ERICH6B: variants seen among roughly 807,000 people sequenced by gnomAD.
The protein encoded by ERICH6B is glutamate rich 6B, also known as glutamate-rich protein 6B.
ERICH6B carries 69 observed loss-of-function variants against 80.0 expected under a neutral mutation model. The ratio of observed to expected loss-of-function variants is 0.86; its 90% CI spans 0.71 to 1.05. ERICH6B has a LOEUF of 1.05. ERICH6B is among the 50% of genes least tolerant of loss of function. The pLI, the probability that ERICH6B is intolerant of heterozygous loss-of-function variation, is 0.00. For missense variants in ERICH6B, 754 were observed against 796.1 expected (o/e 0.95, Z 0.64); for synonymous variants, 283 against 291.9 (o/e 0.97, Z 0.31).
At chr13:45,600,711 A>G (rs1425412305) in intron 2 of ERICH6B, among the ~76,000 whole-genome samples, 2 of 152,094 alleles carry the variant, frequency 1.3e-5, no homozygotes, top group East Asian at 1.9e-4. Context: ...ACAGTATTCT[A>G]TTTTGTATAT....
At chr13:45,593,456 A>C (rs1402488566) in intron 3 of ERICH6B, among the ~76,000 whole-genome samples, 1 of 152,226 alleles carries the variant, frequency 6.6e-6, no homozygotes, top group African/African-American at 2.4e-5. Flanking sequence ...CTTAGGCCTA[A>C]AATGCTATGT....
At position 45,568,315 on chromosome 13, in the gene ERICH6B, A is replaced by G. The variant is rs1478086440; in HGVS notation, c.1187T>C (p.Met396Thr). 10 of 1,540,572 alleles carry G rather than the reference A, an allele frequency of 6.5e-6. No individual in the cohort carries two copies. In the African/African-American group the frequency reaches 8.3e-5, roughly 13 times the overall value. Reference sequence around the variant, plus strand: ...TCACTTGGCCTCACCAGTTACTTACATAATTACCAGTTTCCATCTGTTTTC... The same window carrying G: ...TCACTTGGCCTCACCAGTTACTTACGTAATTACCAGTTTCCATCTGTTTTC... ...ESENRWKLVI[M>T]LKKNYEKFKE... Residue 396 changes from methionine to threonine, a missense_variant and splice_region_variant, in exon 9 of 15, where the codon ATG becomes ACG. Coordinates refer to ENST00000298738, the MANE Select transcript of ERICH6B (RefSeq NM_182542.3).
intron 14 of ERICH6B, among the ~76,000 whole-genome samples, chr13:45,544,536 A>G (rs552240975): frequency 6.6e-6 from 1 of 152,324 alleles, no homozygotes; most frequent in East Asian, 1.9e-4. Context: ...TGAGCATTTC[A>G]ATGTGAATTT....
chr13:45,573,939 T>A (rs1875275318), intron 8 of ERICH6B, among the ~76,000 whole-genome samples: 1 of 152,070 alleles, frequency 6.6e-6, no homozygotes, highest in African/African-American at 2.4e-5. Context: ...ATTTATGTCA[T>A]TTTTTTTCCT....
At chr13:45,547,587 A>T (rs1874042039) in intron 13 of ERICH6B, among the ~76,000 whole-genome samples, 1 of 152,194 alleles carries the variant, frequency 6.6e-6, no homozygotes, top group Admixed American at 6.5e-5. Flanking sequence ...GTTACATAAG[A>T]TGTATGAAGA....
Position 45,544,741 on chromosome 13 carries a change from T to C in ERICH6B, c.1872+19A>G. On this transcript the variant is annotated intron_variant, in intron 14 of 14. Coordinates refer to ENST00000298738, the MANE Select transcript of ERICH6B (RefSeq NM_182542.3). ...TGGGCACCCCACCTGGTGGAGGGTATGGGGAGTTGTGACCTTACCTTGTAC... is the reference window on the plus strand; with the variant it reads ...TGGGCACCCCACCTGGTGGAGGGTACGGGGAGTTGTGACCTTACCTTGTAC... 1.3e-6 allele frequency: 2 copies of C among 1,547,976 alleles called. No individual in the cohort carries two copies. Among genetic ancestry groups the C allele is most frequent in the Non-Finnish European group, 1.7e-6 (2 of 1,143,768 alleles).
chr13:45,597,297 A>G (rs1463539632), intron 2 of ERICH6B, among the ~76,000 whole-genome samples: 1 of 152,196 alleles, frequency 6.6e-6, no homozygotes, highest in Admixed American at 6.5e-5. Flanking sequence ...ATTATTGCAC[A>G]ATATGAAGTC....
At chr13:45,590,606 A>T in intron 4 of ERICH6B, 43 bp downstream of exon 4, 1 of 1,531,150 alleles carries the variant, frequency 6.5e-7, no homozygotes, top group Non-Finnish European at 8.9e-7. Context: ...ATTGTCCCCA[A>T]GCAGGAGTTT....
chr13:45,574,810 G>GGA (rs112996787), intron 8 of ERICH6B, 32 bp downstream of exon 8: 1 of 1,421,898 alleles, frequency 7.0e-7, no homozygotes, highest in Non-Finnish European at 9.5e-7. Context: ...GAGGAAGCTG[G>GGA]GGGGGGGGTC....
chr13:45,577,879 C>T (rs1300595791), intron 7 of ERICH6B, among the ~76,000 whole-genome samples: 4 of 152,212 alleles, frequency 2.6e-5, no homozygotes, highest in Non-Finnish European at 5.9e-5. Context: ...AGGCATGAGC[C>T]ACTGCACCCA....
chr13:45,599,842 A>G (rs1298268160), intron 2 of ERICH6B, among the ~76,000 whole-genome samples: 1 of 152,180 alleles, frequency 6.6e-6, no homozygotes, highest in East Asian at 1.9e-4. Context: ...GATTAAAGCA[A>G]CTCTGGAGCA....
At chr13:45,589,225 G>A (rs1164606319) in intron 4 of ERICH6B, among the ~76,000 whole-genome samples, 1 of 152,058 alleles carries the variant, frequency 6.6e-6, no homozygotes, top group Non-Finnish European at 1.5e-5. Flanking sequence ...CTGGCCCCTG[G>A]GGACCCAAGC....
At chr13:45,577,593 T>C (rs1354255661) in intron 7 of ERICH6B, among the ~76,000 whole-genome samples, 1 of 152,106 alleles carries the variant, frequency 6.6e-6, no homozygotes, top group African/African-American at 2.4e-5. Context: ...CCAGTGCCTC[T>C]CCTCTATCAT....
chr13:45,567,771 T>G (rs1273793303), intron 9 of ERICH6B, among the ~76,000 whole-genome samples: 1 of 152,240 alleles, frequency 6.6e-6, no homozygotes, highest in Non-Finnish European at 1.5e-5. Context: ...AAAGACCTGA[T>G]GCCAGTGACA....
intron 5 of ERICH6B, among the ~76,000 whole-genome samples, chr13:45,582,147 C>T (rs1875698694): frequency 6.6e-6 from 1 of 152,204 alleles, no homozygotes; most frequent in South Asian, 2.1e-4. Context: ...ACGTAGTCTC[C>T]AGGTTACTGT....
chr13:45,559,300 C>T (rs1253705784), intron 11 of ERICH6B, among the ~76,000 whole-genome samples: 1 of 151,976 alleles, frequency 6.6e-6, no homozygotes, highest in African/African-American at 2.4e-5. Flanking sequence ...CTCTTCTTTT[C>T]TTGGTTAATC....
chr13:45,574,104 A>C (rs776881699), intron 8 of ERICH6B, among the ~76,000 whole-genome samples: 6 of 152,150 alleles, frequency 3.9e-5, no homozygotes, highest in African/African-American at 9.7e-5. Flanking sequence ...TTCTTTTATA[A>C]ATTTAGGAAC....
intron 13 of ERICH6B, 26 bp downstream of exon 13, chr13:45,549,867 G>A (rs1874143700): frequency 1.3e-6 from 2 of 1,544,914 alleles, no homozygotes; most frequent in African/African-American, 2.7e-5. Flanking sequence ...GGGCAGGAGT[G>A]TTAGGGACTC....
intron 4 of ERICH6B, among the ~76,000 whole-genome samples, chr13:45,587,840 G>A (rs1470768705): frequency 1.3e-5 from 2 of 152,198 alleles, no homozygotes; most frequent in Non-Finnish European, 2.9e-5. Context: ...CTAGGGGCAA[G>A]AAACTAATTC....
Sources: gnomAD v4.1 joint callset for allele counts (sites outside exome capture counted in the v4.1 genomes callset) on GRCh38, gnomAD v4.1.1 for gene constraint, MANE v1.5 for transcripts, NCBI Gene and HGNC (gene_info 2026-07-23, HGNC 2026-07-21) for gene names.